Variants in ABCA1 observed in about 807,000 individuals in gnomAD.
The protein encoded by ABCA1 is phospholipid-transporting ATPase ABCA1.
In ABCA1, 133 loss-of-function variants were observed where a neutral mutation model predicts 262.5. That is an observed-to-expected ratio of 0.51 (90% confidence interval 0.44 to 0.59). The LOEUF (loss-of-function observed/expected upper bound fraction) is 0.59. Among genes scored for constraint, ABCA1 ranks in the 20% least tolerant of loss-of-function variants. The pLI is 0.00. For synonymous variants in ABCA1, 1,022 were observed against 1,043.5 expected, an observed-to-expected ratio of 0.98 and a Z score of 0.40; for missense variants, 2,452 against 2,777.5, an observed-to-expected ratio of 0.88 and a Z score of 2.63.
Position 104,812,633 on chromosome 9 carries a change from C to T in ABCA1, c.3991G>A (p.Ala1331Thr), listed in dbSNP as rs1831380691. 1 of 1,614,106 alleles carries T rather than the reference C, an allele frequency of 6.2e-7. No homozygotes were observed. Among genetic ancestry groups the T allele is most frequent in the Admixed American group, 1.7e-5 (1 of 60,010 alleles). The change falls in exon 28 of 50, where the codon GCC (alanine) becomes ACC (threonine). Residue 1331 changes from alanine (A) to threonine (T), a missense_variant. Physicochemically the swap from Ala to Thr is moderately conservative, Grantham distance 58. Transcript: ENST00000374736. Reference protein sequence around the residue: ...GWKLTQQQFVALLWKRLLIAR... With the variant: ...GWKLTQQQFVTLLWKRLLIAR... ...ATTAGCAGTCTCTTCCACAAAAGGG[C>T]CACAAACTGTTGCTGTGTAAGTTTC...
intron 5 of ABCA1, among the ~76,000 whole-genome samples, chr9:104,871,864 T>C (rs560813957): frequency 6.6e-6 from 1 of 152,072 alleles, no homozygotes; most frequent in Non-Finnish European, 1.5e-5. Flanking sequence ...GGTCTCTCAC[T>C]GAAAAAAGGG....
rs4149316 is a variant in ABCA1 at position 104,819,026 on chromosome 9, C to T, written c.3242-143G>A. 0.093 allele frequency: 73,410 copies of T among 786,112 alleles called. 5,052 individuals carry two copies. Among genetic ancestry groups the T allele is most frequent in the East Asian group, 0.33 (12,404 of 37,500 alleles). The allele number at this position is 786,112 out of a possible 1,614,324, so 48.7% of individuals were successfully genotyped here. A position where few individuals can be genotyped will look rare whatever the true frequency, so the allele number is the denominator to read the frequency against. ...CACCTTTCACCCTGTATGGCTATGA[C>T]CCCTAGAATGGCAAAGCTTTGTATA... On this transcript the variant is annotated intron_variant, in intron 22 of 49. Transcript: ENST00000374736.
intron 8 of ABCA1, among the ~76,000 whole-genome samples, chr9:104,841,230 G>A (rs1834336818): frequency 6.6e-6 from 1 of 152,092 alleles, no homozygotes; most frequent in Admixed American, 6.5e-5. Flanking sequence ...GAGGTCAGGA[G>A]TTCAAGACCA....
In ABCA1 at chr9:104,817,480, G is replaced by A; in HGVS notation, c.3463-76C>T. 2 of 1,492,944 alleles carry A rather than the reference G, an allele frequency of 1.3e-6. No individual in the cohort carries two copies. The highest frequency in any genetic ancestry group is 1.9e-6 in the Non-Finnish European group (2 of 1,073,974). 92.5% of individuals were successfully genotyped at this position (1,492,944 alleles called of 1,614,324 possible). A position where few individuals can be genotyped will look rare whatever the true frequency, so the allele number is the denominator to read the frequency against. ...GCCACCAGCACCTTCGCCGGGGAGGGCTTCCAAGAAGCTCTGTTGTGTGAG... is the reference window on the plus strand; with the variant it reads ...GCCACCAGCACCTTCGCCGGGGAGGACTTCCAAGAAGCTCTGTTGTGTGAG... On this transcript the variant is annotated intron_variant, in intron 23 of 49. Transcript: ENST00000374736. The surrounding 1 kb of genome is among the most constrained non-coding windows in gnomAD (Gnocchi z 4.7).
chr9:104,822,720 A>C (rs1452377949), intron 18 of ABCA1, 53 bp from the exon 19 acceptor site: 1 of 1,603,096 alleles, frequency 6.2e-7, no homozygotes, highest in Non-Finnish European at 8.5e-7. Context: ...TGAGGAGTGG[A>C]GTGTAAGGAC....
chr9:104,820,054 T>G lies in ABCA1; in HGVS notation c.2976A>C (p.Glu992Asp), dbSNP rs1384274571. The G allele has an allele frequency of 1.9e-6, 3 of 1,614,168 alleles. No homozygotes were observed. The South Asian group carries it at 3.3e-5, about 18-fold the overall frequency. ...TCAAGCGGGCATAGAACCAGATGTGTTCTTCGACAGTCAGCCTGGGGACAG... is the reference window on the plus strand; with the variant it reads ...TCAAGCGGGCATAGAACCAGATGTGGTCTTCGACAGTCAGCCTGGGGACAG... Reference protein sequence around the residue: ...NVLFDMLTVEEHIWFYARLKG... With the variant: ...NVLFDMLTVEDHIWFYARLKG... Residue 992 changes from glutamate (E) to aspartate (D), a missense_variant, in exon 21 of 50, where the codon GAA (glutamate) becomes GAC (aspartate). Coordinates refer to ENST00000374736, the MANE Select transcript of ABCA1 (RefSeq NM_005502.4).
chr9:104,788,439 T>G lies in ABCA1; in HGVS notation c.6056A>C (p.Lys2019Thr). 1 of 1,614,124 alleles carries G rather than the reference T, an allele frequency of 6.2e-7. No homozygotes were observed. The change falls in exon 45 of 50, where the codon AAA becomes ACA. Residue 2019 changes from lysine (K) to threonine (T), a missense_variant. By Grantham distance (78) the Lys-to-Thr change is moderately conservative (BLOSUM62 -1). Transcript: ENST00000374736. ...TGCCCACAGTACCTTGCCAACTTCTTTCTCTGGGACTCCTCTCAAAAGGGC... is the reference window on the plus strand; with the variant it reads ...TGCCCACAGTACCTTGCCAACTTCTGTCTCTGGGACTCCTCTCAAAAGGGC... ...FFALLRGVPEKEVGKVGEWAI... is the reference protein window; with the variant it reads ...FFALLRGVPETEVGKVGEWAI...
chr9:104,919,667 T>C (rs1357368193), intron 1 of ABCA1, among the ~76,000 whole-genome samples: 3 of 152,084 alleles, frequency 2.0e-5, no homozygotes, highest in Admixed American at 6.5e-5. Flanking sequence ...GAGTCCAATT[T>C]TATTTTAGAG....
At chr9:104,871,754 G>A (rs1019278663) in intron 5 of ABCA1, among the ~76,000 whole-genome samples, 2 of 152,112 alleles carry the variant, frequency 1.3e-5, no homozygotes, top group Non-Finnish European at 2.9e-5. Context: ...TAGGAAGTAT[G>A]AAGAAACAGA....
chr9:104,865,616 A>T (rs1837025692), intron 5 of ABCA1, among the ~76,000 whole-genome samples: 1 of 152,162 alleles, frequency 6.6e-6, no homozygotes. Context: ...GGGACCAGAA[A>T]AACCTAAATT....
intron 32 of ABCA1, among the ~76,000 whole-genome samples, chr9:104,803,986 T>A (rs879656636): frequency 6.6e-6 from 1 of 152,214 alleles, no homozygotes; most frequent in African/African-American, 2.4e-5. Flanking sequence ...TAGAAACTCA[T>A]GGTCACTATC....
Position 104,825,866 on chromosome 9 carries a change from A to C in ABCA1, c.2359T>G (p.Phe787Val). ...GCAAAGTACTCACAGCCAAACCCAA[A>C]AGCCACAGGAGACAGCAGGCTCTGT... ...IFASLLSPVA[F>V]GFGCEYFALF... Residue 787 changes from phenylalanine (F) to valine (V), a missense_variant, in exon 17 of 50, where the codon TTT becomes GTT. By Grantham distance (50) the Phe-to-Val change is conservative. Transcript: ENST00000374736. The C allele has an allele frequency of 1.2e-6, 2 of 1,614,092 alleles. No individual in the cohort carries two copies. Among genetic ancestry groups the C allele is most frequent in the Non-Finnish European group, 8.5e-7 (1 of 1,180,026 alleles).
intron 25 of ABCA1, 139 bp from the exon 26 acceptor site, chr9:104,814,614 T>G (rs546789851): frequency 5.0e-5 from 44 of 878,496 alleles, no homozygotes; most frequent in Admixed American, 4.6e-4. Context: ...TTAATAACAC[T>G]TTCTCAGAGT....
rs61240896 is a variant in ABCA1 at position 104,798,143 on chromosome 9, G to C, written c.5121+278C>G. ...TTGGAGTTTTGACTTGTATCTCTCT[G>C]ATTCTTGGGAAAGTTGTCACATAGG... On this transcript the variant is annotated intron_variant, in intron 37 of 49. Transcript: ENST00000374736. 0.026 allele frequency among the ~76,000 whole-genome samples: 3,975 copies of C among 152,254 alleles called. 176 individuals are homozygous for C. The highest frequency in any genetic ancestry group is 0.091 in the African/African-American group (3,778 of 41,528).
At chr9:104,864,848 C>A (rs1390303825) in intron 5 of ABCA1, among the ~76,000 whole-genome samples, 2 of 152,250 alleles carry the variant, frequency 1.3e-5, no homozygotes, top group Admixed American at 6.5e-5. Flanking sequence ...TATAAGACTT[C>A]TGTTATGTTA....
At chr9:104,851,889 G>A (rs1038215198) in intron 7 of ABCA1, among the ~76,000 whole-genome samples, 3 of 152,296 alleles carry the variant, frequency 2.0e-5, no homozygotes, top group East Asian at 3.9e-4. Context: ...AATGCATTAG[G>A]AGTCACAGCC....
rs138880920 is a variant in ABCA1 at position 104,826,957 on chromosome 9, C to G, written c.2328G>C (p.Lys776Asn). The change falls in exon 16 of 50, where the codon AAG becomes AAC. Residue 776 changes from lysine to asparagine, a missense_variant. This residue lies in a region of ABCA1 where 1,032 missense variants were observed against 1,089.7 expected (regional missense o/e 0.95). Transcript: ENST00000374736. ...AWQDYVGFTL[K>N]IFASLLSPVA... ...GGCCAGAGGTACTCACAGCGAAGAT[C>G]TTGAGTGTGAAGCCCACGTAGTCCT... 2.7e-3 allele frequency: 4,336 copies of G among 1,613,890 alleles called. 25 individuals carry two copies. The highest frequency in any genetic ancestry group is 0.01 in the Middle Eastern group (60 of 5,914).
Position 104,802,040 on chromosome 9 carries a change from G to A in ABCA1, c.4698+14C>T, listed in dbSNP as rs550787183. Reference sequence around the variant, plus strand: ...TGCCCATTTTTCTGATACATCTTACGATAGATATTTTACCTTGGCCAGCTT... The same window carrying A: ...TGCCCATTTTTCTGATACATCTTACAATAGATATTTTACCTTGGCCAGCTT... On this transcript the variant is annotated intron_variant, in intron 34 of 49. Transcript: ENST00000374736. 14 of 1,611,786 alleles carry A rather than the reference G, an allele frequency of 8.7e-6. No homozygotes were observed. Among genetic ancestry groups the A allele is most frequent in the South Asian group, 2.2e-5 (2 of 91,036 alleles).
intron 1 of ABCA1, among the ~76,000 whole-genome samples, chr9:104,916,532 T>G (rs537208031): frequency 6.6e-6 from 1 of 152,356 alleles, no homozygotes; most frequent in African/African-American, 2.4e-5. Context: ...TAAAGGGCAC[T>G]GTAATAGTTA....
Sources: gnomAD v4.1 joint callset for allele counts (sites outside exome capture counted in the v4.1 genomes callset) on GRCh38, gnomAD v4.1.1 for gene constraint, gnomAD v4.1.1 regional missense constraint, Gnocchi (gnomAD v3.1) non-coding constraint, MANE v1.5 for transcripts, NCBI Gene and HGNC (gene_info 2026-07-23, HGNC 2026-07-21) for gene names.